KIRREL3: variants seen among roughly 807,000 people sequenced by gnomAD.
KIRREL3 encodes kirre like nephrin family adhesion molecule 3.
Under a neutral mutation model 89.7 loss-of-function variants are expected in KIRREL3, and 36 were observed. That is an observed-to-expected ratio of 0.40 (90% confidence interval 0.31 to 0.53). The LOEUF (loss-of-function observed/expected upper bound fraction) is 0.53. Among genes scored for constraint, KIRREL3 ranks in the 20% least tolerant of loss-of-function variants. The probability of loss-of-function intolerance (pLI) is 0.49; values close to 1 mark genes in which losing one functional copy is unlikely to be tolerated. For missense variants in KIRREL3, 864 were observed against 1,056.6 expected, an observed-to-expected ratio of 0.82 and a Z score of 2.53; for synonymous variants, 445 against 441.4, an observed-to-expected ratio of 1.01 and a Z score of -0.10.
Position 126,773,766 on chromosome 11 carries a change from C to T in KIRREL3, c.56-210854G>A, listed in dbSNP as rs1414626858. 6.6e-6 allele frequency among the ~76,000 whole-genome samples: 1 copy of T among 152,082 alleles called. No individual in the cohort carries two copies. Among genetic ancestry groups the T allele is most frequent in the African/African-American group, 2.4e-5 (1 of 41,382 alleles). On this transcript the variant is annotated intron_variant, in intron 1 of 16. Coordinates refer to ENST00000525144, the MANE Select transcript of KIRREL3 (RefSeq NM_032531.4). This position sits in a 1 kb window ranked among gnomAD's most constrained non-coding sequence, Gnocchi z 4.2. ...TATTATTTATCTCTATTATTGCAGC[C>T]CCAAATACTGAATCTGGCAGATAGT...
rs1945819921 is a variant in KIRREL3 at position 126,669,102 on chromosome 11, G to T, written c.56-106190C>A. ...GTATGGAGCTAATCAAAGGATTTCT[G>T]GCTCCCAACTTGTCTGCTCTTTGTT... is the stretch of plus-strand genomic sequence containing the variant. On this transcript the variant is annotated intron_variant, in intron 1 of 16. Coordinates refer to ENST00000525144, the MANE Select transcript of KIRREL3 (RefSeq NM_032531.4). The surrounding 1 kb of genome is among the most constrained non-coding windows in gnomAD (Gnocchi z 5.0). Among the ~76,000 whole-genome samples, 1 of 152,058 alleles carries T rather than the reference G, an allele frequency of 6.6e-6. No individual in the cohort carries two copies. Among genetic ancestry groups the T allele is most frequent in the Non-Finnish European group, 1.5e-5 (1 of 67,998 alleles).
At chr11:126,595,999 G>A (rs1942375283) in intron 1 of KIRREL3, among the ~76,000 whole-genome samples, 1 of 152,202 alleles carries the variant, frequency 6.6e-6, no homozygotes, top group Non-Finnish European at 1.5e-5. Flanking sequence ...GAGGAAAGTG[G>A]TTGAGGTCTC....
At chr11:126,706,664 G>A (rs967458009) in intron 1 of KIRREL3, among the ~76,000 whole-genome samples, 6 of 152,110 alleles carry the variant, frequency 3.9e-5, no homozygotes, top group Admixed American at 1.3e-4. Context: ...TTTCATCTTC[G>A]GTTGTGTAAT....
At chr11:126,536,267 G>C (rs1488877983) in intron 2 of KIRREL3, among the ~76,000 whole-genome samples, 1 of 105,432 alleles carries the variant, frequency 9.5e-6, no homozygotes, top group Non-Finnish European at 2.1e-5. Flanking sequence ...GTGTGTGTCT[G>C]TGTGTGTGTG....
In KIRREL3 at chr11:126,564,799, G is replaced by A. The variant is rs1940395030; in HGVS notation, c.56-1887C>T. ...GCCTTCCAGGAGGGGGCCAGTGGAA[G>A]TACAAGCTGCGAGGAGGTGCTGAGC... On this transcript the variant is annotated intron_variant, in intron 1 of 16. Coordinates refer to ENST00000525144, the MANE Select transcript of KIRREL3 (RefSeq NM_032531.4). The surrounding 1 kb of genome is among the most constrained non-coding windows in gnomAD (Gnocchi z 7.4). Among the ~76,000 whole-genome samples the A allele has an allele frequency of 6.6e-6, 1 of 152,218 alleles. No homozygotes were observed. Among genetic ancestry groups the A allele is most frequent in the Admixed American group, 6.5e-5 (1 of 15,290 alleles).
intron 2 of KIRREL3, among the ~76,000 whole-genome samples, chr11:126,538,936 T>C (rs1938140499): frequency 2.6e-5 from 4 of 152,074 alleles, no homozygotes; most frequent in Non-Finnish European, 5.9e-5. Flanking sequence ...CACAGAAGGG[T>C]TGGCTTCTGA....
At position 126,729,823 on chromosome 11, in the gene KIRREL3, A is replaced by T. The variant is rs1267714725; in HGVS notation, c.56-166911T>A. Among the ~76,000 whole-genome samples, 1 of 152,118 alleles carries T rather than the reference A, an allele frequency of 6.6e-6. No individual in the cohort carries two copies. Among genetic ancestry groups the T allele is most frequent in the Non-Finnish European group, 1.5e-5 (1 of 68,008 alleles). On this transcript the variant is annotated intron_variant, in intron 1 of 16. Coordinates refer to ENST00000525144, the MANE Select transcript of KIRREL3 (RefSeq NM_032531.4). This position sits in a 1 kb window ranked among gnomAD's most constrained non-coding sequence, Gnocchi z 4.5. ...TGATCATAATCACTAAGAGCACACC[A>T]TGTTTGCTGCTTTTAACTGTTTCCA... is the stretch of plus-strand genomic sequence containing the variant.
In KIRREL3 at chr11:126,906,700, C is replaced by A. The variant is rs1343919984; in HGVS notation, c.55+93755G>T. On this transcript the variant is annotated intron_variant, in intron 1 of 16. Transcript: ENST00000525144. This position sits in a 1 kb window ranked among gnomAD's most constrained non-coding sequence, Gnocchi z 4.1. ...AAACCCAGAAGATGTGAACTGCACG[C>A]ATTATAAGGCAAATTAGATCCTGAA... is the stretch of plus-strand genomic sequence containing the variant. 1.3e-5 allele frequency among the ~76,000 whole-genome samples: 2 copies of A among 152,146 alleles called. No homozygotes were observed. The highest frequency in any genetic ancestry group is 6.5e-5 in the Admixed American group (1 of 15,284).
At chr11:126,478,719 G>A (rs12790482) in intron 4 of KIRREL3, among the ~76,000 whole-genome samples, 22,461 of 152,112 alleles carry the variant, frequency 0.15, 1,876 homozygotes, top group Non-Finnish European at 0.19. Context: ...ACATGTGTAT[G>A]GGTGTGTGTA....
At position 126,742,454 on chromosome 11, in the gene KIRREL3, C is replaced by T. The variant is rs777691251; in HGVS notation, c.56-179542G>A. Among the ~76,000 whole-genome samples, 3 of 152,134 alleles carry T rather than the reference C, an allele frequency of 2.0e-5. No homozygotes were observed. Among genetic ancestry groups the T allele is most frequent in the Non-Finnish European group, 2.9e-5 (2 of 68,026 alleles). ...AACATGAAGCAGAAGTCAATCTCTT[C>T]GTCAGGCTGAATGTGGCTCACAGAA... On this transcript the variant is annotated intron_variant, in intron 1 of 16. Coordinates refer to ENST00000525144, the MANE Select transcript of KIRREL3 (RefSeq NM_032531.4). This position sits in a 1 kb window ranked among gnomAD's most constrained non-coding sequence, Gnocchi z 5.3.
chr11:126,839,379 AATAAATGAAT>A (rs1943887629), intron 1 of KIRREL3, among the ~76,000 whole-genome samples: 1 of 152,196 alleles, frequency 6.6e-6, no homozygotes, highest in South Asian at 2.1e-4. Context: ...TTATTAGTTG[AATAAATGAAT>A]ATAAATGTAA....
At chr11:126,925,138 C>A (rs565072485) in intron 1 of KIRREL3, among the ~76,000 whole-genome samples, 256 of 149,272 alleles carry the variant, frequency 1.7e-3, no homozygotes, top group African/African-American at 5.9e-3. Context: ...TTGTGCAAAG[C>A]CCTGCAAGGG....
In KIRREL3 at chr11:126,424,434, C is replaced by T. The variant is rs537331646; in HGVS notation, c.*146G>A. On this transcript the variant is annotated 3_prime_UTR_variant, in exon 17 of 17. Coordinates refer to ENST00000525144, the MANE Select transcript of KIRREL3 (RefSeq NM_032531.4). Reference sequence around the variant, plus strand: ...CCAGATTTGTGCTTGATCAGAGCTTCGAAGGAAGGCAGTGGCAGAGGCGCT... The same window carrying T: ...CCAGATTTGTGCTTGATCAGAGCTTTGAAGGAAGGCAGTGGCAGAGGCGCT... The T allele has an allele frequency of 8.3e-4, 459 of 556,028 alleles. 1 individual carries two copies. Among genetic ancestry groups the T allele is most frequent in the Non-Finnish European group, 1.2e-3 (405 of 331,878 alleles). The allele number at this position is 556,028 out of a possible 1,614,324, so 34.4% of individuals were successfully genotyped here.
chr11:126,448,890 A>T, intron 8 of KIRREL3, 119 bp downstream of exon 8: 1 of 1,078,982 alleles, frequency 9.3e-7, no homozygotes, highest in Non-Finnish European at 1.3e-6. Flanking sequence ...AAACCATCCT[A>T]CGCTCATGAC....
In KIRREL3 at chr11:126,766,455, G is replaced by C. The variant is rs562846736; in HGVS notation, c.56-203543C>G. On this transcript the variant is annotated intron_variant, in intron 1 of 16. Coordinates refer to ENST00000525144, the MANE Select transcript of KIRREL3 (RefSeq NM_032531.4). The surrounding 1 kb of genome is among the most constrained non-coding windows in gnomAD (Gnocchi z 4.2). ...TTTTCTCCTCCCTAGGTATGGCATT[G>C]TCCCTTTTCTTTCTCTTTTATTCTA... is the stretch of plus-strand genomic sequence containing the variant. Among the ~76,000 whole-genome samples, 7 of 152,092 alleles carry C rather than the reference G, an allele frequency of 4.6e-5. No individual in the cohort carries two copies. Among genetic ancestry groups the C allele is most frequent in the Non-Finnish European group, 1.0e-4 (7 of 68,010 alleles).
At chr11:126,437,977 C>T (rs963001921) in intron 11 of KIRREL3, among the ~76,000 whole-genome samples, 1 of 152,194 alleles carries the variant, frequency 6.6e-6, no homozygotes, top group Non-Finnish European at 1.5e-5. Flanking sequence ...TACACGGTAA[C>T]ACACCCACAC....
chr11:126,945,697 C>T (rs1948602755), intron 1 of KIRREL3, among the ~76,000 whole-genome samples: 2 of 152,128 alleles, frequency 1.3e-5, no homozygotes, highest in African/African-American at 4.8e-5. Context: ...CCTAAGTTTC[C>T]TTATAATGGC....
At chr11:126,829,550 G>A (rs1180666634) in intron 1 of KIRREL3, among the ~76,000 whole-genome samples, 1 of 152,042 alleles carries the variant, frequency 6.6e-6, no homozygotes, top group Non-Finnish European at 1.5e-5. Context: ...ACCTGCCCTG[G>A]AGTTACTTAA....
chr11:126,624,912 G>T lies in KIRREL3; in HGVS notation c.56-62000C>A, dbSNP rs1943718966. Among the ~76,000 whole-genome samples the T allele has an allele frequency of 6.6e-6, 1 of 152,122 alleles. No homozygotes were observed. The highest frequency in any genetic ancestry group is 2.4e-5 in the African/African-American group (1 of 41,420). ...CAGTAAGGATGGTGGAAATTGGGGTGGGGCAGGGACTGCTGATGGCGTTTC... is the reference window on the plus strand; with the variant it reads ...CAGTAAGGATGGTGGAAATTGGGGTTGGGCAGGGACTGCTGATGGCGTTTC... On this transcript the variant is annotated intron_variant, in intron 1 of 16. Coordinates refer to ENST00000525144, the MANE Select transcript of KIRREL3 (RefSeq NM_032531.4). The surrounding 1 kb of genome is among the most constrained non-coding windows in gnomAD (Gnocchi z 6.0).
Sources: gnomAD v4.1 joint callset for allele counts (sites outside exome capture counted in the v4.1 genomes callset) on GRCh38, gnomAD v4.1.1 for gene constraint, Gnocchi (gnomAD v3.1) non-coding constraint, MANE v1.5 for transcripts, NCBI Gene and HGNC (gene_info 2026-07-23, HGNC 2026-07-21) for gene names.